Variants in GAB1 observed in about 807,000 individuals in gnomAD.
GAB1 encodes GRB2 associated binding protein 1.
A neutral mutation model predicts 66.5 loss-of-function variants in GAB1; 19 were observed. That is an observed-to-expected ratio of 0.29 (90% CI 0.20 to 0.42). GAB1 has a LOEUF of 0.42. Among genes scored for constraint, GAB1 ranks in the 10% least tolerant of loss-of-function variants. GAB1 has a pLI of 1.00. For missense variants in GAB1, 732 were observed against 858.5 expected, an observed-to-expected ratio of 0.85 and a Z score of 1.84; for synonymous variants, 294 against 301.4, an observed-to-expected ratio of 0.98 and a Z score of 0.25.
At chr4:143,457,777 C>CT in intron 6 of GAB1, 1 of 1,454,962 alleles carries the variant, frequency 6.9e-7, no homozygotes, top group East Asian at 2.3e-5. Flanking sequence ...AGGGTATGTA[C>CT]TTTAGCACCG....
intron 1 of GAB1, among the ~76,000 whole-genome samples, chr4:143,355,179 AGG>A (rs1729393901): frequency 6.6e-6 from 1 of 152,192 alleles, no homozygotes; most frequent in African/African-American, 2.4e-5. Flanking sequence ...TTCTTAATTT[AGG>A]CCTAGGAAAT....
chr4:143,464,581 T>TA (rs1467245620), intron 8 of GAB1, among the ~76,000 whole-genome samples: 1 of 152,184 alleles, frequency 6.6e-6, no homozygotes, highest in East Asian at 1.9e-4. Flanking sequence ...AAATTTGGTT[T>TA]AAAAAATCTG....
chr4:143,337,332 C>A, intron 1 of GAB1, 72 bp downstream of exon 1: 1 of 1,316,066 alleles, frequency 7.6e-7, no homozygotes, highest in Non-Finnish European at 1.1e-6. Context: ...TCGCCGGCGG[C>A]TGCAGCTGGC....
chr4:143,373,849 C>G (rs1247197607), intron 1 of GAB1, among the ~76,000 whole-genome samples: 2 of 79,754 alleles, frequency 2.5e-5, no homozygotes, highest in Non-Finnish European at 5.2e-5. Context: ...CTCTCTCTCT[C>G]TCTCTCTGTA....
chr4:143,465,475 T>C (rs1262315114), intron 8 of GAB1, among the ~76,000 whole-genome samples: 1 of 152,204 alleles, frequency 6.6e-6, no homozygotes, highest in East Asian at 1.9e-4. Flanking sequence ...CAGAAGTTAG[T>C]AGTATTATTG....
chr4:143,360,009 A>C (rs1034021727), intron 1 of GAB1, among the ~76,000 whole-genome samples: 3 of 152,232 alleles, frequency 2.0e-5, no homozygotes, highest in Non-Finnish European at 4.4e-5. Flanking sequence ...GGCAAGTTGC[A>C]GCCTGCTTGA....
At position 143,433,399 on chromosome 4, in the gene GAB1, G is replaced by C. The variant is rs942272558; in HGVS notation, c.368-92G>C. ...CATTGTCATGATTTATTCTGTTTTT[G>C]TGTGTTGAAACAATTTGTCTCCAAA... is the stretch of plus-strand genomic sequence containing the variant. On this transcript the variant is annotated intron_variant, in intron 2 of 9. Coordinates refer to ENST00000262994, the MANE Select transcript of GAB1 (RefSeq NM_002039.4). 2.0e-5 allele frequency: 16 copies of C among 816,848 alleles called. No homozygotes were observed. The African/African-American group carries it at 2.5e-4, about 13-fold the overall frequency. 50.6% of individuals were successfully genotyped at this position (816,848 alleles called of 1,614,324 possible).
intron 1 of GAB1, among the ~76,000 whole-genome samples, chr4:143,362,283 T>G (rs769515516): frequency 1.3e-5 from 2 of 152,150 alleles, no homozygotes; most frequent in African/African-American, 4.8e-5. Context: ...ATTTTCGTAA[T>G]AGCAGCATCC....
chr4:143,383,670 C>T lies in GAB1; in HGVS notation c.73-31807C>T, dbSNP rs563564776. Among the ~76,000 whole-genome samples the T allele has an allele frequency of 3.3e-5, 5 of 152,116 alleles. No homozygotes were observed. The South Asian group carries it at 8.3e-4, about 25-fold the overall frequency. On this transcript the variant is annotated intron_variant, in intron 1 of 9. Coordinates refer to ENST00000262994, the MANE Select transcript of GAB1 (RefSeq NM_002039.4). Reference sequence around the variant, plus strand: ...TTTGAAACTGGCTTTTTTAACATAACAATATATGTGAGCACATTTTCCACA... The same window carrying T: ...TTTGAAACTGGCTTTTTTAACATAATAATATATGTGAGCACATTTTCCACA...
In GAB1 at chr4:143,469,365, T is replaced by G; in HGVS notation, c.*176T>G. ...GACTTAAGTGGTGCTTTGTGGTATC[T>G]GAACAATTCATAACATGTAAATAAT... is the stretch of plus-strand genomic sequence containing the variant. On this transcript the variant is annotated 3_prime_UTR_variant, in exon 10 of 10. Transcript: ENST00000262994. 1.7e-6 allele frequency: 1 copy of G among 598,180 alleles called. No individual in the cohort carries two copies. The highest frequency in any genetic ancestry group is 2.8e-5 in the East Asian group (1 of 35,616). The allele number at this position is 598,180 out of a possible 1,614,324, so 37.1% of individuals were successfully genotyped here. A position where few individuals can be genotyped will look rare whatever the true frequency, so the allele number is the denominator to read the frequency against.
At chr4:143,433,393 G>GT (rs1733777678) in intron 2 of GAB1, 98 bp from the exon 3 acceptor site, 1 of 789,458 alleles carries the variant, frequency 1.3e-6, no homozygotes. Context: ...GATTTATTCT[G>GT]TTTTTGTGTG....
intron 1 of GAB1, among the ~76,000 whole-genome samples, chr4:143,401,577 C>T (rs1227072519): frequency 2.6e-5 from 4 of 152,084 alleles, no homozygotes; most frequent in Non-Finnish European, 5.9e-5. Context: ...TTATGGGTTT[C>T]AGGAAGCATT....
Position 143,344,334 on chromosome 4 carries a change from C to G in GAB1, c.72+7074C>G, listed in dbSNP as rs957381956. Among the ~76,000 whole-genome samples, 3 of 152,186 alleles carry G rather than the reference C, an allele frequency of 2.0e-5. 1 individual carries two copies. Among genetic ancestry groups the G allele is most frequent in the Non-Finnish European group, 2.9e-5 (2 of 68,032 alleles). ...TCTCCCTGTGGATGGAGGGGTTTCTCTCATTTCACATTCCTCGCATCAACA... is the reference window on the plus strand; with the variant it reads ...TCTCCCTGTGGATGGAGGGGTTTCTGTCATTTCACATTCCTCGCATCAACA... On this transcript the variant is annotated intron_variant, in intron 1 of 9. Coordinates refer to ENST00000262994, the MANE Select transcript of GAB1 (RefSeq NM_002039.4).
chr4:143,437,996 T>C lies in GAB1; in HGVS notation c.594-3T>C. The C allele has an allele frequency of 6.2e-7, 1 of 1,605,142 alleles. No individual in the cohort carries two copies. Among genetic ancestry groups the C allele is most frequent in the Non-Finnish European group, 8.5e-7 (1 of 1,174,998 alleles). ...TATTCTGTCATTAACAATTTTTATT[T>C]AGAACGCATGCTGATTCTGCAAAAT... On this transcript the variant is annotated splice_region_variant and splice_polypyrimidine_tract_variant and intron_variant, in intron 3 of 9. Coordinates refer to ENST00000262994, the MANE Select transcript of GAB1 (RefSeq NM_002039.4).
At chr4:143,452,156 A>G (rs1466070989) in intron 6 of GAB1, among the ~76,000 whole-genome samples, 3 of 152,020 alleles carry the variant, frequency 2.0e-5, no homozygotes, top group Admixed American at 6.6e-5. Context: ...GTTGCCCAGG[A>G]TGGTCTCAAA....
intron 6 of GAB1, among the ~76,000 whole-genome samples, chr4:143,447,011 G>A (rs952300562): frequency 2.8e-4 from 42 of 151,938 alleles, no homozygotes; most frequent in South Asian, 6.2e-4. Context: ...CTTTCTACAT[G>A]TGGCTAGCCA....
At chr4:143,368,714 C>T (rs183381493) in intron 1 of GAB1, among the ~76,000 whole-genome samples, 102 of 152,044 alleles carry the variant, frequency 6.7e-4, no homozygotes, top group African/African-American at 2.3e-3. Flanking sequence ...TTTTTCTCAC[C>T]TGCTCTTTTG....
At chr4:143,438,725 C>T in intron 4 of GAB1, 125 bp downstream of exon 4, 1 of 959,060 alleles carries the variant, frequency 1.0e-6, no homozygotes, top group Non-Finnish European at 1.5e-6. Context: ...TTTTTTCCAG[C>T]TCTACAGCTA....
chr4:143,440,473 A>G, intron 6 of GAB1, 91 bp downstream of exon 6: 16 of 1,215,486 alleles, frequency 1.3e-5, no homozygotes, highest in Non-Finnish European at 1.7e-5. Flanking sequence ...AATTTGGACT[A>G]GAAATTCTGA....
Sources: allele counts gnomAD v4.1 joint callset (sites outside exome capture counted in the v4.1 genomes callset), GRCh38; gene constraint gnomAD v4.1.1; transcripts MANE v1.5; gene names NCBI Gene and HGNC (gene_info 2026-07-23, HGNC 2026-07-21).